The following HDLBP variants were observed in gnomAD, a reference collection of about 807,000 sequenced individuals.
HDLBP encodes the protein high density lipoprotein binding protein.
In HDLBP, 30 loss-of-function variants were observed where a neutral mutation model predicts 137.3. The observed-to-expected ratio is 0.22, with a 90% CI of 0.16 to 0.30. HDLBP has a LOEUF of 0.30. HDLBP is among the 10% of genes least tolerant of loss of function. The pLI, the probability that HDLBP is intolerant of heterozygous loss-of-function variation, is 1.00. For synonymous variants in HDLBP, 606 were observed against 596.0 expected (o/e 1.02, Z -0.24); for missense variants, 1,119 against 1,667.3 (o/e 0.67, Z 5.73).
chr2:241,295,042 C>G (rs1487155300), intron 1 of HDLBP, among the ~76,000 whole-genome samples: 1 of 152,104 alleles, frequency 6.6e-6, no homozygotes, highest in African/African-American at 2.4e-5. Flanking sequence ...GCGGAGGCTG[C>G]AGTGAGCCGA....
Position 241,272,900 on chromosome 2 carries a change from C to G in HDLBP, c.-102-4359G>C. ...CCAATCCCGCCTGGACACGTCAGCG[C>G]CCGCCCGCCCCGCCGCTGGGGTCCC... On this transcript the variant is annotated intron_variant, in intron 1 of 27. Coordinates refer to ENST00000310931, the MANE Select transcript of HDLBP (RefSeq NM_005336.6). This position sits in a 1 kb window ranked among gnomAD's most constrained non-coding sequence, Gnocchi z 5.6. 1 of 551,304 alleles carries G rather than the reference C, an allele frequency of 1.8e-6. No homozygotes were observed. The highest frequency in any genetic ancestry group is 2.3e-6 in the Non-Finnish European group (1 of 433,456). 34.2% of individuals were successfully genotyped at this position (551,304 alleles called of 1,614,324 possible).
chr2:241,293,829 G>A (rs2075085873), intron 1 of HDLBP, among the ~76,000 whole-genome samples: 1 of 150,326 alleles, frequency 6.7e-6, no homozygotes, highest in African/African-American at 2.5e-5. Context: ...GGCTGCGGCA[G>A]GAAGATCGCC....
At position 241,306,829 on chromosome 2, in the gene HDLBP, C is replaced by A. The variant is rs977150503; in HGVS notation, c.-103+8741G>T. On this transcript the variant is annotated intron_variant, in intron 1 of 27. Coordinates refer to ENST00000310931, the MANE Select transcript of HDLBP (RefSeq NM_005336.6). ...CCCGGGAGGCGGAAGTTGCAGTGAG[C>A]GGAGATCATGCTGTCATACTCCAGC... 3.3e-5 allele frequency among the ~76,000 whole-genome samples: 5 copies of A among 149,306 alleles called. No homozygotes were observed. The East Asian group carries it at 1.0e-3, about 30-fold the overall frequency.
At position 241,230,043 on chromosome 2, in the gene HDLBP, C is replaced by T. The variant is rs2069555846; in HGVS notation, c.3592-82G>A. 6 of 1,580,350 alleles carry T rather than the reference C, an allele frequency of 3.8e-6. No individual in the cohort carries two copies. Among genetic ancestry groups the T allele is most frequent in the East Asian group, 2.3e-5 (1 of 44,442 alleles). On this transcript the variant is annotated intron_variant, in intron 26 of 27. Transcript: ENST00000310931. The surrounding 1 kb of genome is among the most constrained non-coding windows in gnomAD (Gnocchi z 5.0). ...CCCGCCTGCTCACCCCTGCACCTCG[C>T]CTGCCTCTGGAAACACAAGTGCCAC... is the stretch of plus-strand genomic sequence containing the variant.
Position 241,256,166 on chromosome 2 carries a change from C to T in HDLBP, c.873+18G>A. 6.2e-7 allele frequency: 1 copy of T among 1,606,292 alleles called. No individual in the cohort carries two copies. Among genetic ancestry groups the T allele is most frequent in the South Asian group, 1.1e-5 (1 of 90,876 alleles). On this transcript the variant is annotated intron_variant, in intron 7 of 27. Transcript: ENST00000310931. Reference sequence around the variant, plus strand: ...TCTATTCCTGCCCATGGGGATTTGCCTCCTCTAAATCGTGTACCTTCTCCT... The same window carrying T: ...TCTATTCCTGCCCATGGGGATTTGCTTCCTCTAAATCGTGTACCTTCTCCT...
chr2:241,266,512 T>G, intron 3 of HDLBP: 1 of 381,836 alleles, frequency 2.6e-6, no homozygotes, highest in African/African-American at 2.0e-5. Context: ...GAAAAAGCAG[T>G]TTTGAAAAGG....
intron 1 of HDLBP, among the ~76,000 whole-genome samples, chr2:241,282,293 A>G (rs2074637698): frequency 6.6e-6 from 1 of 152,254 alleles, no homozygotes; most frequent in South Asian, 2.1e-4. Flanking sequence ...GAAAAGTAGA[A>G]TAAGATTCTA....
Position 241,236,416 on chromosome 2 carries a change from T to C in HDLBP, c.2904+199A>G, listed in dbSNP as rs1002803480. The C allele has an allele frequency of 1.3e-5, 8 of 606,384 alleles. No individual in the cohort carries two copies. The Admixed American group carries it at 1.5e-4, about 11-fold the overall frequency. 37.6% of individuals were successfully genotyped at this position (606,384 alleles called of 1,614,324 possible). A position where few individuals can be genotyped will look rare whatever the true frequency, so the allele number is the denominator to read the frequency against. On this transcript the variant is annotated intron_variant, in intron 21 of 27. Transcript: ENST00000310931. ...GAAAGGGGCTATAGAACCCCGAGCC[T>C]TGGTGAAGGGAAGTGGCCTCCCCAA...
At chr2:241,245,066 G>GA (rs138605646) in intron 16 of HDLBP, among the ~76,000 whole-genome samples, 3,391 of 151,734 alleles carry the variant, frequency 0.022, 79 homozygotes, top group African/African-American at 0.055. Context: ...CACAATTGAG[G>GA]AAAAAAATTA....
At chr2:241,241,472 CAGG>C (rs2071210412) in intron 17 of HDLBP, among the ~76,000 whole-genome samples, 1 of 143,240 alleles carries the variant, frequency 7.0e-6, no homozygotes, top group Non-Finnish European at 1.5e-5. Flanking sequence ...GAGGCTGAGG[CAGG>C]AGAATGGCGT....
chr2:241,255,933 G>A (rs1013883048), intron 7 of HDLBP, among the ~76,000 whole-genome samples: 1 of 152,202 alleles, frequency 6.6e-6, no homozygotes, highest in Non-Finnish European at 1.5e-5. Flanking sequence ...CATCTGACCC[G>A]GGGCAGCCCA....
chr2:241,251,348 T>A (rs1025093343), intron 11 of HDLBP, among the ~76,000 whole-genome samples: 11 of 152,122 alleles, frequency 7.2e-5, no homozygotes, highest in African/African-American at 2.4e-4. Flanking sequence ...CGCAAAAAGG[T>A]CACTTTGTGC....
rs143039216 is a variant in HDLBP at position 241,240,030 on chromosome 2, G to C, written c.2262C>G (p.Arg754=). 1.2e-6 allele frequency: 2 copies of C among 1,614,058 alleles called. No homozygotes were observed. The highest frequency in any genetic ancestry group is 1.3e-5 in the African/African-American group (1 of 74,914). The change falls in exon 18 of 28, where the codon CGC becomes CGG. Residue 754 remains arginine (R), a synonymous_variant. Transcript: ENST00000310931. This position sits in a 1 kb window ranked among gnomAD's most constrained non-coding sequence, Gnocchi z 5.5. ...AGATGACACGTGCTCCAGTGCTGTC[G>C]CGCACCTTGCGAATTTTGCCGCCCC... is the stretch of plus-strand genomic sequence containing the variant. The part of the protein sequence containing the change: ...GKGGGKIRKV[R]DSTGARVIFP...
At chr2:241,273,959 G>A (rs2074294161) in intron 1 of HDLBP, among the ~76,000 whole-genome samples, 1 of 152,016 alleles carries the variant, frequency 6.6e-6, no homozygotes, top group Non-Finnish European at 1.5e-5. Context: ...CATTATGGTG[G>A]GCATAATGGA....
In HDLBP at chr2:241,238,680, T is replaced by G; in HGVS notation, c.2718A>C (p.Gln906His). 6.3e-7 allele frequency: 1 copy of G among 1,581,072 alleles called. No individual in the cohort carries two copies. The highest frequency in any genetic ancestry group is 2.3e-5 in the East Asian group (1 of 43,862). The change falls in exon 20 of 28, where the codon CAA (glutamine) becomes CAC (histidine). Residue 906 changes from glutamine (Q) to histidine (H), a missense_variant. Gln to His is a conservative substitution (Grantham distance 24, BLOSUM62 0). Coordinates refer to ENST00000310931, the MANE Select transcript of HDLBP (RefSeq NM_005336.6). This position sits in a 1 kb window ranked among gnomAD's most constrained non-coding sequence, Gnocchi z 4.9. ...IQQITRDFSVQIKFPDREENA... is the reference protein window; with the variant it reads ...IQQITRDFSVHIKFPDREENA... ...TCTCCTCTCTGTCTGGGAATTTAAT[T>G]TGAACACTGAAATCCCGAGTAATCT...
rs917774236 is a variant in HDLBP, at chr2:241,253,315, A to G, written c.1293+78T>C. On this transcript the variant is annotated intron_variant, in intron 10 of 27. Transcript: ENST00000310931. ...TCTGTGCCCGGACATGTGGGATGTC[A>G]TCGAGAGATGACCGCCCATGCCCAA... 4.1e-6 allele frequency: 4 copies of G among 967,966 alleles called. No individual in the cohort carries two copies. The African/African-American group carries it at 6.4e-5, about 15-fold the overall frequency. The allele number at this position is 967,966 out of a possible 1,614,324, so 60.0% of individuals were successfully genotyped here. A position where few individuals can be genotyped will look rare whatever the true frequency, so the allele number is the denominator to read the frequency against.
chr2:241,238,891 C>A lies in HDLBP; in HGVS notation c.2611-104G>T. On this transcript the variant is annotated intron_variant, in intron 19 of 27. Coordinates refer to ENST00000310931, the MANE Select transcript of HDLBP (RefSeq NM_005336.6). This position sits in a 1 kb window ranked among gnomAD's most constrained non-coding sequence, Gnocchi z 4.9. The stretch of plus-strand genomic sequence containing the variant: ...CCACCTTCCTCCCTGTCCTCTACAG[C>A]CACTTGGCACAGATGCTCCCCTTCT... 1 of 892,384 alleles carries A rather than the reference C, an allele frequency of 1.1e-6. No individual in the cohort carries two copies. Among genetic ancestry groups the A allele is most frequent in the South Asian group, 2.7e-5 (1 of 37,274 alleles). The allele number at this position is 892,384 out of a possible 1,614,324, so 55.3% of individuals were successfully genotyped here. A position where few individuals can be genotyped will look rare whatever the true frequency, so the allele number is the denominator to read the frequency against.
chr2:241,282,525 T>A (rs1231549563), intron 1 of HDLBP, among the ~76,000 whole-genome samples: 5 of 152,226 alleles, frequency 3.3e-5, no homozygotes. Context: ...CAGCTTACAG[T>A]GCTTCTCTTA....
chr2:241,240,549 C>T lies in HDLBP; in HGVS notation c.2170-427G>A, dbSNP rs1427800838. ...TGCCCAAGAGGTGTGCACCATGCTC[C>T]CACTCTTCTACCTGCTTCCAGACCA... On this transcript the variant is annotated intron_variant, in intron 17 of 27. Transcript: ENST00000310931. The surrounding 1 kb of genome is among the most constrained non-coding windows in gnomAD (Gnocchi z 5.5). Among the ~76,000 whole-genome samples, 2 of 152,130 alleles carry T rather than the reference C, an allele frequency of 1.3e-5. No homozygotes were observed. Among genetic ancestry groups the T allele is most frequent in the African/African-American group, 4.8e-5 (2 of 41,424 alleles).
Sources: allele counts gnomAD v4.1 joint callset (sites outside exome capture counted in the v4.1 genomes callset), GRCh38; gene constraint gnomAD v4.1.1; non-coding constraint Gnocchi (gnomAD v3.1); transcripts MANE v1.5; gene names NCBI Gene and HGNC (gene_info 2026-07-23, HGNC 2026-07-21).